RFC3: variants seen among roughly 807,000 people sequenced by gnomAD.
The protein encoded by RFC3 is A1 38 kDa subunit.
In RFC3, 41 loss-of-function variants were observed where a neutral mutation model predicts 45.1. The ratio of observed to expected loss-of-function variants is 0.91; its 90% CI spans 0.71 to 1.18. The LOEUF is 1.18. Among genes scored for constraint, RFC3 ranks in the 50% most tolerant of loss-of-function variants. RFC3 has a pLI of 0.00. For missense variants in RFC3, 423 were observed against 428.1 expected, an observed-to-expected ratio of 0.99 and a Z score of 0.10; for synonymous variants, 149 against 144.0, an observed-to-expected ratio of 1.03 and a Z score of -0.25.
chr13:33,938,358 T>C (rs1291236323), intron 8 of RFC3, among the ~76,000 whole-genome samples: 3 of 152,126 alleles, frequency 2.0e-5, no homozygotes, highest in Admixed American at 1.3e-4. Context: ...TTTTAACTTT[T>C]TATTGGAGTT....
At chr13:33,824,949 G>A (rs1266560937) in intron 3 of RFC3, among the ~76,000 whole-genome samples, 3 of 152,118 alleles carry the variant, frequency 2.0e-5, no homozygotes, top group African/African-American at 4.8e-5. Context: ...GAAAATGATC[G>A]TAAGAGCAAC....
At chr13:33,862,677 A>G (rs1320104349) in intron 8 of RFC3, among the ~76,000 whole-genome samples, 1 of 152,142 alleles carries the variant, frequency 6.6e-6, no homozygotes, top group Non-Finnish European at 1.5e-5. Flanking sequence ...CTATATTTTG[A>G]TATATTCATA....
chr13:33,875,515 T>G (rs1381812073), intron 8 of RFC3, among the ~76,000 whole-genome samples: 1 of 152,128 alleles, frequency 6.6e-6, no homozygotes, highest in East Asian at 1.9e-4. Context: ...CAGAAGCCTA[T>G]GAGTAGACAA....
chr13:33,887,928 C>A (rs2082536991), intron 8 of RFC3, among the ~76,000 whole-genome samples: 1 of 152,124 alleles, frequency 6.6e-6, no homozygotes, highest in Non-Finnish European at 1.5e-5. Flanking sequence ...TGTCAAAGAT[C>A]AGATAGTTGT....
At chr13:33,863,366 C>T (rs1424823785) in intron 8 of RFC3, among the ~76,000 whole-genome samples, 1 of 152,182 alleles carries the variant, frequency 6.6e-6, no homozygotes, top group African/African-American at 2.4e-5. Context: ...AGTTCATCTT[C>T]ATGCACATAG....
At chr13:33,879,810 G>A (rs941925543) in intron 8 of RFC3, among the ~76,000 whole-genome samples, 6 of 152,128 alleles carry the variant, frequency 3.9e-5, no homozygotes, top group African/African-American at 1.4e-4. Flanking sequence ...TAAAACCAAG[G>A]TGTTGGCAGG....
chr13:33,899,544 G>A (rs1372335635), intron 8 of RFC3, among the ~76,000 whole-genome samples: 1 of 151,506 alleles, frequency 6.6e-6, no homozygotes, highest in African/African-American at 2.4e-5. Flanking sequence ...AAGTAATAAA[G>A]CCTGTATATG....
chr13:33,829,186 A>G (rs1442596593), intron 4 of RFC3, among the ~76,000 whole-genome samples: 3 of 152,196 alleles, frequency 2.0e-5, no homozygotes, highest in Non-Finnish European at 4.4e-5. Context: ...GTTTCTGTGT[A>G]TACATTATTC....
Position 33,951,927 on chromosome 13 carries a change from C to T in RFC3, c.880-14160C>T, listed in dbSNP as rs916649156. ...GATCCGGAGAGCTTAAATAACTATT[C>T]CAAGTTGGCATAGCTTATCAATTGG... On this transcript the variant is annotated intron_variant, in intron 8 of 8. Coordinates refer to the RFC3 transcript ENST00000434425. 1.6e-4 allele frequency among the ~76,000 whole-genome samples: 24 copies of T among 152,178 alleles called. 1 individual carries two copies. Among genetic ancestry groups the T allele is most frequent in the Admixed American group, 1.3e-3 (20 of 15,270 alleles).
intron 8 of RFC3, among the ~76,000 whole-genome samples, chr13:33,899,198 A>G (rs2082621400): frequency 7.2e-6 from 1 of 138,234 alleles, no homozygotes; most frequent in Non-Finnish European, 1.5e-5. Flanking sequence ...CGAAGACACA[A>G]TAAGACAAAA....
chr13:33,870,388 CACATG>C (rs1226742167), intron 8 of RFC3, among the ~76,000 whole-genome samples: 1 of 152,196 alleles, frequency 6.6e-6, no homozygotes, highest in Non-Finnish European at 1.5e-5. Context: ...AAATTCAAGG[CACATG>C]ACATCTCAAT....
At chr13:33,823,255 T>A (rs1008980625) in intron 2 of RFC3, among the ~76,000 whole-genome samples, 2 of 152,128 alleles carry the variant, frequency 1.3e-5, no homozygotes, top group Non-Finnish European at 2.9e-5. Flanking sequence ...ATGTATTATA[T>A]TAAAGTTAGA....
intron 8 of RFC3, among the ~76,000 whole-genome samples, chr13:33,961,440 C>G (rs2083056541): frequency 6.6e-6 from 1 of 152,168 alleles, no homozygotes; most frequent in Non-Finnish European, 1.5e-5. Context: ...TTCCTGAGGG[C>G]AGGAATCATG....
chr13:33,825,865 A>G lies in RFC3; in HGVS notation c.370A>G (p.Asn124Asp), dbSNP rs373162634. 1.9e-6 allele frequency: 3 copies of G among 1,608,126 alleles called. No homozygotes were observed. The highest frequency in any genetic ancestry group is 2.5e-6 in the Non-Finnish European group (3 of 1,176,644). ...TVAQSQQLETNSQRDFKVVLL... is the reference protein window; with the variant it reads ...TVAQSQQLETDSQRDFKVVLL... ...GGCACAATCACAACAACTTGAAACAAACTCTCAAAGGGATTTTAAAGGTAG... is the reference window on the plus strand; with the variant it reads ...GGCACAATCACAACAACTTGAAACAGACTCTCAAAGGGATTTTAAAGGTAG... Residue 124 changes from asparagine (N) to aspartate (D), a missense_variant, in exon 4 of 9, where the codon AAC becomes GAC. By Grantham distance (23) the Asn-to-Asp change is conservative (BLOSUM62 1). Coordinates refer to ENST00000380071, the MANE Select transcript of RFC3 (RefSeq NM_002915.4).
intron 8 of RFC3, among the ~76,000 whole-genome samples, chr13:33,940,683 C>T (rs1394237382): frequency 6.6e-6 from 1 of 152,078 alleles, no homozygotes; most frequent in Non-Finnish European, 1.5e-5. Flanking sequence ...TTAATGCTTA[C>T]CCTGACTTAC....
intron 8 of RFC3, among the ~76,000 whole-genome samples, chr13:33,916,786 A>G (rs576250695): frequency 3.4e-5 from 5 of 148,612 alleles, no homozygotes; most frequent in Non-Finnish European, 5.9e-5. Context: ...ACATATATAC[A>G]TGTATGCGTA....
chr13:33,951,842 A>C (rs1207925255), intron 8 of RFC3, among the ~76,000 whole-genome samples: 3 of 152,204 alleles, frequency 2.0e-5, no homozygotes, highest in East Asian at 3.8e-4. Context: ...ATTATCTTTA[A>C]TTTCCACAAT....
intron 8 of RFC3, among the ~76,000 whole-genome samples, chr13:33,925,572 A>G (rs1458340379): frequency 1.8e-5 from 2 of 110,718 alleles, no homozygotes; most frequent in East Asian, 4.3e-4. Flanking sequence ...AGTGTACTAT[A>G]TACATACATA....
At chr13:33,935,471 A>C (rs1450465267) in intron 8 of RFC3, among the ~76,000 whole-genome samples, 1 of 152,180 alleles carries the variant, frequency 6.6e-6, no homozygotes, top group Admixed American at 6.5e-5. Flanking sequence ...TTGTGAGTAC[A>C]AGTGTTGGGC....
Sources: gnomAD v4.1 joint callset for allele counts (sites outside exome capture counted in the v4.1 genomes callset) on GRCh38, gnomAD v4.1.1 for gene constraint, MANE v1.5 for transcripts, NCBI Gene and HGNC (gene_info 2026-07-23, HGNC 2026-07-21) for gene names.